The following PI16 variants were observed in gnomAD, a reference collection of about 807,000 sequenced individuals.
PI16 encodes PSP94-binding protein.
In PI16, 35 loss-of-function variants were observed where a neutral mutation model predicts 38.0. The ratio of observed to expected loss-of-function variants is 0.92; its 90% CI spans 0.70 to 1.22. The LOEUF (loss-of-function observed/expected upper bound fraction) is 1.22. PI16 is among the 50% of genes most tolerant of loss of function. The pLI, the probability that PI16 is intolerant of heterozygous loss-of-function variation, is 0.00. For missense variants in PI16, 572 were observed against 593.8 expected, an observed-to-expected ratio of 0.96 and a Z score of 0.38; for synonymous variants, 275 against 252.9, an observed-to-expected ratio of 1.09 and a Z score of -0.83.
Position 36,959,326 on chromosome 6 carries a change from C to T in PI16, c.353C>T (p.Ala118Val). 6.4e-7 allele frequency: 1 copy of T among 1,572,050 alleles called. No homozygotes were observed. The highest frequency in any genetic ancestry group is 8.6e-7 in the Non-Finnish European group (1 of 1,158,948). ...HEREHYNLSA[A>V]TCSPGQMCGH... ...CGTGAGCACTACAACCTCAGCGCCG[C>T]CACCTGCAGCCCAGGCCAGATGTGC... is the stretch of plus-strand genomic sequence containing the variant. The change falls in exon 2 of 7, where the codon GCC becomes GTC. Residue 118 changes from alanine (A) to valine (V), a missense_variant. Ala to Val is a moderately conservative substitution (Grantham distance 64). Coordinates refer to ENST00000373674, the MANE Select transcript of PI16 (RefSeq NM_153370.3).
chr6:36,963,959 AAAGGC>A lies in PI16; in HGVS notation c.*18+3_*18+7del. On this transcript the variant is annotated splice_donor_variant and 3_prime_UTR_variant, in exon 6 of 7. Transcript: ENST00000373674. LOFTEE classifies it low-confidence loss of function (3UTR_SPLICE). ...GAATCTTCTGAAGGGGATACCACTC[AAAGGC>A]AAGGCCTGGTGAGGGGGGCCCTGGC... 2 of 1,606,650 alleles carry A rather than the reference AAAGGC, an allele frequency of 1.2e-6. No individual in the cohort carries two copies. Among genetic ancestry groups the A allele is most frequent in the Non-Finnish European group, 1.7e-6 (2 of 1,177,024 alleles).
At chr6:36,959,492 C>T (rs907512020) in intron 2 of PI16, 126 bp downstream of exon 2, 17 of 898,652 alleles carry the variant, frequency 1.9e-5, no homozygotes, top group Non-Finnish European at 2.6e-5. Context: ...AGGCGGGCTT[C>T]ACTCCAAGCC....
At chr6:36,954,718 C>A (rs1763156309), upstream of PI16, 1 of 1,568,894 alleles carries the variant, frequency 6.4e-7, no homozygotes, top group East Asian at 2.3e-5. Context: ...TTAAATCCAG[C>A]TGCCAGACCC....
At chr6:36,955,751 A>C (rs190746905) in intron 1 of PI16, among the ~76,000 whole-genome samples, 2 of 152,376 alleles carry the variant, frequency 1.3e-5, no homozygotes, top group Admixed American at 6.5e-5. Context: ...CATTACATGT[A>C]CATGCACACA....
At chr6:36,960,325 A>ATATGTGTG (rs758800895) in intron 2 of PI16, among the ~76,000 whole-genome samples, 164 of 140,022 alleles carry the variant, frequency 1.2e-3, no homozygotes, top group African/African-American at 4.3e-3. Context: ...TGCAGATAAG[A>ATATGTGTG]TGTGTGTGTG....
intron 3 of PI16, 146 bp downstream of exon 3, chr6:36,961,706 A>G (rs1277769037): frequency 1.0e-5 from 9 of 897,348 alleles, no homozygotes; most frequent in South Asian, 3.0e-5. Flanking sequence ...GAAGGCACCA[A>G]TGGGGGTCTG....
chr6:36,959,340 G>C lies in PI16; in HGVS notation c.367G>C (p.Gly123Arg). Residue 123 changes from glycine to arginine, a missense_variant, in exon 2 of 7, where the codon GGC (glycine) becomes CGC (arginine). Transcript: ENST00000373674. Reference protein sequence around the residue: ...YNLSAATCSPGQMCGHYTQVV... With the variant: ...YNLSAATCSPRQMCGHYTQVV... ...CCTCAGCGCCGCCACCTGCAGCCCA[G>C]GCCAGATGTGCGGCCACTACACGCA... The C allele has an allele frequency of 6.4e-7, 1 of 1,564,860 alleles. No homozygotes were observed. Among genetic ancestry groups the C allele is most frequent in the Admixed American group, 1.9e-5 (1 of 52,932 alleles).
chr6:36,956,155 G>A (rs1271751010), intron 1 of PI16, among the ~76,000 whole-genome samples: 2 of 152,298 alleles, frequency 1.3e-5, no homozygotes, highest in Non-Finnish European at 1.5e-5. Context: ...TGCCCTGGGC[G>A]TCAGACAGGA....
At position 36,959,132 on chromosome 6, in the gene PI16, A is replaced by G. The variant is rs886342251; in HGVS notation, c.172-13A>G. The G allele has an allele frequency of 8.1e-6, 13 of 1,598,642 alleles. No individual in the cohort carries two copies. Among genetic ancestry groups the G allele is most frequent in the East Asian group, 2.3e-5 (1 of 44,362 alleles). On this transcript the variant is annotated splice_polypyrimidine_tract_variant and intron_variant, in intron 1 of 6. Transcript: ENST00000373674. ...TGGGCATCCTCACCTCCCTTCTCTC[A>G]CCTGCCCTGCAGAGATGGGACGAGG...
At chr6:36,959,112 A>G (rs755588560) in intron 1 of PI16, 33 bp from the exon 2 acceptor site, 1 of 1,572,738 alleles carries the variant, frequency 6.4e-7, no homozygotes, top group Non-Finnish European at 8.6e-7. Flanking sequence ...ATCTGTGGGC[A>G]TCCTCACCTC....
chr6:36,960,549 C>G (rs972476051), intron 2 of PI16, among the ~76,000 whole-genome samples: 7 of 151,984 alleles, frequency 4.6e-5, no homozygotes, highest in Non-Finnish European at 8.8e-5. Flanking sequence ...GGAGGAAATC[C>G]CAGCAGCACC....
rs757661411 is a variant in PI16, at chr6:36,963,832, G to T, written c.1280G>T (p.Gly427Val). The T allele has an allele frequency of 1.3e-6, 2 of 1,598,206 alleles. No individual in the cohort carries two copies. Among genetic ancestry groups the T allele is most frequent in the East Asian group, 2.2e-5 (1 of 44,792 alleles). Reference protein sequence around the residue: ...ALQSSLPGAEGPDKPSVVSGL... With the variant: ...ALQSSLPGAEVPDKPSVVSGL... ...CTCTTTCTTCCCACAGGTGCAGAGG[G>T]CCCTGACAAGCCTAGCGTCGTGTCA... The change falls in exon 6 of 7, where the codon GGC (glycine) becomes GTC (valine). Residue 427 changes from glycine (G) to valine (V), a missense_variant. Physicochemically the swap from Gly to Val is moderately radical, Grantham distance 109. Coordinates refer to ENST00000373674, the MANE Select transcript of PI16 (RefSeq NM_153370.3).
intron 2 of PI16, among the ~76,000 whole-genome samples, chr6:36,959,728 T>G (rs979796128): frequency 1.3e-4 from 20 of 152,044 alleles, no homozygotes; most frequent in African/African-American, 4.8e-4. Flanking sequence ...TACAAAAAAC[T>G]TTGCTGGGCG....
At chr6:36,954,417 C>T (rs1483974256), upstream of PI16, 1 of 207,600 alleles carries the variant, frequency 4.8e-6, no homozygotes, top group Non-Finnish European at 9.5e-6. Flanking sequence ...CTATCTTCAA[C>T]ACACAGTGGG....
At chr6:36,948,654 C>T (rs113334587) in intron 1 of PI16, among the ~76,000 whole-genome samples, 4 of 27,602 alleles carry the variant, frequency 1.4e-4, no homozygotes, top group South Asian at 1.7e-3. Flanking sequence ...TCCTCCCTCC[C>T]TCCTTCCCTC....
chr6:36,959,590 A>G (rs1360817013), intron 2 of PI16, among the ~76,000 whole-genome samples: 1 of 152,232 alleles, frequency 6.6e-6, no homozygotes, highest in Non-Finnish European at 1.5e-5. Flanking sequence ...CTAGTCTGCT[A>G]GGCCAGGCGC....
Position 36,963,133 on chromosome 6 carries a change from C to G in PI16, c.791C>G (p.Ala264Gly), listed in dbSNP as rs1405587752. Residue 264 changes from alanine (A) to glycine (G), a missense_variant, in exon 5 of 7, where the codon GCC becomes GGC. By Grantham distance (60) the Ala-to-Gly change is moderately conservative. Coordinates refer to ENST00000373674, the MANE Select transcript of PI16 (RefSeq NM_153370.3). The stretch of plus-strand genomic sequence containing the variant: ...GCTCTGCCTGCTGTGGAAACCCAGG[C>G]CCCAACTTCCTTAGCAACGAAAGAC... Reference protein sequence around the residue: ...TKALPAVETQAPTSLATKDPP... With the variant: ...TKALPAVETQGPTSLATKDPP... 1.2e-6 allele frequency: 2 copies of G among 1,614,234 alleles called. No individual in the cohort carries two copies. The highest frequency in any genetic ancestry group is 1.7e-6 in the Non-Finnish European group (2 of 1,180,042).
At chr6:36,955,167 C>A (rs931345634) in intron 1 of PI16, among the ~76,000 whole-genome samples, 1 of 152,188 alleles carries the variant, frequency 6.6e-6, no homozygotes, top group Admixed American at 6.5e-5. Flanking sequence ...TAAGCAGCCT[C>A]ATAATACAGA....
At chr6:36,957,392 T>G (rs1763234644) in intron 1 of PI16, among the ~76,000 whole-genome samples, 1 of 152,228 alleles carries the variant, frequency 6.6e-6, no homozygotes, top group Admixed American at 6.5e-5. Flanking sequence ...CTCTCCACCT[T>G]TGGCTGGGCT....
Sources: allele counts gnomAD v4.1 joint callset (sites outside exome capture counted in the v4.1 genomes callset), GRCh38; gene constraint gnomAD v4.1.1; transcripts MANE v1.5; gene names NCBI Gene and HGNC (gene_info 2026-07-23, HGNC 2026-07-21).